Variants in SIRT3 observed in about 807,000 individuals in gnomAD.
SIRT3 encodes sirtuin 3.
Under a neutral mutation model 33.5 loss-of-function variants are expected in SIRT3, and 26 were observed. The ratio of observed to expected loss-of-function variants is 0.78; its 90% CI spans 0.57 to 1.08. The LOEUF (loss-of-function observed/expected upper bound fraction) is 1.08. SIRT3 is among the 50% of genes least tolerant of loss of function. The pLI, the probability that SIRT3 is intolerant of heterozygous loss-of-function variation, is 0.00. For synonymous variants in SIRT3, 237 were observed against 222.1 expected (o/e 1.07, Z -0.60); for missense variants, 585 against 530.1 (o/e 1.10, Z -1.02).
chr11:225,756 A>G (rs1306362290), intron 4 of SIRT3: 1 of 152,244 alleles, frequency 6.6e-6, no homozygotes, highest in Non-Finnish European at 1.5e-5. Context: ...ATGTATGTTC[A>G]ATCAGAGGTC....
At position 218,947 on chromosome 11, in the gene SIRT3, G is replaced by A. The variant is rs764877600; in HGVS notation, c.1064C>T (p.Pro355Leu). 5 of 1,614,052 alleles carry A rather than the reference G, an allele frequency of 3.1e-6. No homozygotes were observed. The change falls in exon 6 of 7, where the codon CCT becomes CTT. Residue 355 changes from proline to leucine, a missense_variant. Transcript: ENST00000382743. ...CAGCTGGGCCACGTCCCTGCTGCGA[G>A]GATGCCAAGCCAAGGGCCCCACCAA... ...RDLVGPLAWH[P>L]RSRDVAQLGD...
intron 5 of SIRT3, chr11:222,794 A>G (rs1590131552): frequency 6.6e-6 from 1 of 151,726 alleles, no homozygotes; most frequent in Non-Finnish European, 1.5e-5. Flanking sequence ...ACTTCGCCCC[A>G]CCCTCCTTGC....
intron 2 of SIRT3, 39 bp downstream of exon 2, chr11:233,304 G>A (rs772025643): frequency 6.2e-7 from 1 of 1,604,014 alleles, no homozygotes; most frequent in Non-Finnish European, 8.5e-7. Flanking sequence ...GGAGTCAGGG[G>A]AGGGGAGCGC....
chr11:233,639 T>A, intron 1 of SIRT3, 105 bp from the exon 2 acceptor site: 1 of 1,016,380 alleles, frequency 9.8e-7, no homozygotes, highest in Non-Finnish European at 1.5e-6. Context: ...CCCTCGAGAA[T>A]GAGCATGTGT....
intron 5 of SIRT3, 21 bp from the exon 6 acceptor site, chr11:219,062 G>A (rs746247349): frequency 6.3e-7 from 1 of 1,595,290 alleles, no homozygotes; most frequent in Non-Finnish European, 8.5e-7. Flanking sequence ...GGCCAAACGT[G>A]AGGGGCACAG....
Position 233,517 on chromosome 11 carries a change from C to T in SIRT3, c.299G>A (p.Arg100Lys), listed in dbSNP as rs1858411370. Residue 100 changes from arginine (R) to lysine (K), a missense_variant, in exon 2 of 7, where the codon AGG becomes AAG. Arg to Lys is a conservative substitution (Grantham distance 26). Transcript: ENST00000382743. The part of the protein sequence containing the change: ...FFFSSIKGGR[R>K]SISFSVGASS... ...AGCACCCACAGAAAAAGATATGGAC[C>T]TTCTTCCACCTTTAATACTGACAGA... is the stretch of plus-strand genomic sequence containing the variant. 6.2e-7 allele frequency: 1 copy of T among 1,614,100 alleles called. No homozygotes were observed. The highest frequency in any genetic ancestry group is 8.5e-7 in the Non-Finnish European group (1 of 1,180,010).
intron 3 of SIRT3, 93 bp from the exon 4 acceptor site, chr11:230,645 G>A (rs1857824255): frequency 1.3e-6 from 1 of 797,138 alleles, no homozygotes; most frequent in Non-Finnish European, 1.9e-6. Context: ...AGGACTCCTG[G>A]AAGGAGGCAC....
At chr11:234,916 C>T (rs1299001278) in intron 1 of SIRT3, among the ~76,000 whole-genome samples, 1 of 151,014 alleles carries the variant, frequency 6.6e-6, no homozygotes, top group Admixed American at 6.6e-5. Context: ...TTTGCTCTTT[C>T]GCCCGGGCTG....
Position 216,271 on chromosome 11 carries a change from A to G in SIRT3, c.*427T>C, listed in dbSNP as rs192538146. Reference sequence around the variant, plus strand: ...CTCAAGACTACACTTCGGAACATGAAGAGGGCTGGGGACCGCTCGGCCCAA... The same window carrying G: ...CTCAAGACTACACTTCGGAACATGAGGAGGGCTGGGGACCGCTCGGCCCAA... On this transcript the variant is annotated 3_prime_UTR_variant, in exon 7 of 7. Coordinates refer to ENST00000382743, the MANE Select transcript of SIRT3 (RefSeq NM_012239.6). The G allele has an allele frequency of 6.8e-3, 1,183 of 173,596 alleles. 19 individuals carry two copies. The highest frequency in any genetic ancestry group is 0.026 in the African/African-American group (1,116 of 42,370). 10.8% of individuals were successfully genotyped at this position (173,596 alleles called of 1,614,324 possible).
chr11:231,229 A>G (rs1224793430), intron 3 of SIRT3, among the ~76,000 whole-genome samples: 2 of 152,210 alleles, frequency 1.3e-5, no homozygotes, highest in Non-Finnish European at 2.9e-5. Flanking sequence ...ACTTGAGGCC[A>G]GGAGTTTGAG....
chr11:230,649 G>A, intron 3 of SIRT3, 97 bp from the exon 4 acceptor site: 1 of 731,696 alleles, frequency 1.4e-6, no homozygotes, highest in Non-Finnish European at 2.1e-6. Flanking sequence ...CTCCTGGAAG[G>A]AGGCACAGCC....
chr11:227,662 G>A (rs771193910), intron 4 of SIRT3, among the ~76,000 whole-genome samples: 2 of 151,850 alleles, frequency 1.3e-5, no homozygotes, highest in African/African-American at 2.4e-5. Flanking sequence ...GTCTCACTCT[G>A]TCACCCAGGC....
intron 1 of SIRT3, among the ~76,000 whole-genome samples, chr11:235,422 C>G (rs1134499): frequency 0.16 from 23,759 of 152,134 alleles, 2,345 homozygotes; most frequent in Middle Eastern, 0.22. Context: ...GCCCAGGCTG[C>G]TCTTGAACTC....
chr11:216,656 G>A lies in SIRT3; in HGVS notation c.*42C>T. 6.2e-7 allele frequency: 1 copy of A among 1,611,610 alleles called. No individual in the cohort carries two copies. Among genetic ancestry groups the A allele is most frequent in the Non-Finnish European group, 8.5e-7 (1 of 1,177,914 alleles). ...GTCTTGTCAGAATTGGGATGTGGAT[G>A]TCTCCTATGTTACCATTTATTGTGT... On this transcript the variant is annotated 3_prime_UTR_variant, in exon 7 of 7. Transcript: ENST00000382743.
chr11:223,950 T>A lies in SIRT3; in HGVS notation c.969+128A>T. 2.1e-6 allele frequency: 1 copy of A among 468,816 alleles called. No homozygotes were observed. Among genetic ancestry groups the A allele is most frequent in the Non-Finnish European group, 3.7e-6 (1 of 271,202 alleles). 29.0% of individuals were successfully genotyped at this position (468,816 alleles called of 1,614,324 possible). On this transcript the variant is annotated intron_variant, in intron 5 of 6. Coordinates refer to ENST00000382743, the MANE Select transcript of SIRT3 (RefSeq NM_012239.6). The surrounding 1 kb of genome is among the most constrained non-coding windows in gnomAD (Gnocchi z 4.8). ...CCGACAGCCCATGAGGTGACTCCTGTACCCCTCCCTTCCCCTGCCCTCCAG... is the reference window on the plus strand; with the variant it reads ...CCGACAGCCCATGAGGTGACTCCTGAACCCCTCCCTTCCCCTGCCCTCCAG...
upstream of SIRT3, chr11:236,666 C>T (rs1316202322): frequency 1.5e-5 from 4 of 265,756 alleles, no homozygotes; most frequent in South Asian, 7.3e-5. Flanking sequence ...AGCGCTTTTA[C>T]TATGGTCAGG....
chr11:218,775 T>C (rs1240550613), intron 6 of SIRT3, 57 bp downstream of exon 6: 1 of 1,612,622 alleles, frequency 6.2e-7, no homozygotes, highest in South Asian at 1.1e-5. Flanking sequence ...AGGTGGACCA[T>C]ACCCTAGAGC....
chr11:223,411 T>C lies in SIRT3; in HGVS notation c.969+667A>G. 1 of 240,956 alleles carries C rather than the reference T, an allele frequency of 4.2e-6. No individual in the cohort carries two copies. The highest frequency in any genetic ancestry group is 8.4e-6 in the Non-Finnish European group (1 of 119,356). The allele number at this position is 240,956 out of a possible 1,614,324, so 14.9% of individuals were successfully genotyped here. ...GCGAGTCCAGTCCCCCTCCTCGCCATCCCTCAGGCGACCACAGCTCCACCT... is the reference window on the plus strand; with the variant it reads ...GCGAGTCCAGTCCCCCTCCTCGCCACCCCTCAGGCGACCACAGCTCCACCT... On this transcript the variant is annotated intron_variant, in intron 5 of 6. Coordinates refer to ENST00000382743, the MANE Select transcript of SIRT3 (RefSeq NM_012239.6). This position sits in a 1 kb window ranked among gnomAD's most constrained non-coding sequence, Gnocchi z 4.8.
intron 1 of SIRT3, 30 bp downstream of exon 1, chr11:236,018 G>C (rs747577907): frequency 4.1e-6 from 6 of 1,455,178 alleles, no homozygotes; most frequent in Non-Finnish European, 5.4e-6. Context: ...CAACGAACAC[G>C]CAAGAAGTGC....
Sources: allele counts gnomAD v4.1 joint callset (sites outside exome capture counted in the v4.1 genomes callset), GRCh38; gene constraint gnomAD v4.1.1; non-coding constraint Gnocchi (gnomAD v3.1); transcripts MANE v1.5; gene names NCBI Gene and HGNC (gene_info 2026-07-23, HGNC 2026-07-21).